RIN3: variants seen among roughly 807,000 people sequenced by gnomAD.
The protein encoded by RIN3 is RAB5 interacting protein 3.
RIN3 carries 54 observed loss-of-function variants against 76.3 expected under a neutral mutation model. The ratio of observed to expected loss-of-function variants is 0.71; its 90% CI spans 0.57 to 0.89. The LOEUF is 0.89. Ranked by LOEUF, RIN3 falls within the 40% of genes least tolerant of loss-of-function variation. RIN3 has a pLI of 0.00. For missense variants in RIN3, 1,256 were observed against 1,322.1 expected, an observed-to-expected ratio of 0.95 and a Z score of 0.78; for synonymous variants, 576 against 564.0, an observed-to-expected ratio of 1.02 and a Z score of -0.30.
intron 4 of RIN3, among the ~76,000 whole-genome samples, chr14:92,619,959 A>G (rs1886116033): frequency 1.3e-5 from 2 of 152,228 alleles, no homozygotes; most frequent in African/African-American, 2.4e-5. Flanking sequence ...AATTTGGACC[A>G]CATGTTTACA....
In RIN3 at chr14:92,513,969, C is replaced by A. The variant is rs1388231799; in HGVS notation, c.37C>A (p.Pro13Thr). The change falls in exon 1 of 10, where the codon CCC (proline) becomes ACC (threonine). Residue 13 changes from proline (P) to threonine (T), a missense_variant. By Grantham distance (38) the Pro-to-Thr change is conservative. Around this residue, in one of 3 missense-constraint regions of RIN3, gnomAD observed 610 missense variants for 626.4 expected, o/e 0.97. Transcript: ENST00000216487. ...CGCCGGGGCGCCCGCGCGCGGGGAC[C>A]CCACGGGGTAAGTCCGGGCGGCCGC... is the stretch of plus-strand genomic sequence containing the variant. ...RHAGAPARGD[P>T]TGPVPVVGKG... The A allele has an allele frequency of 5.6e-6, 7 of 1,245,122 alleles. No individual in the cohort carries two copies. The highest frequency in any genetic ancestry group is 1.6e-5 in the African/African-American group (1 of 64,270). 77.1% of individuals were successfully genotyped at this position (1,245,122 alleles called of 1,614,324 possible). A position where few individuals can be genotyped will look rare whatever the true frequency, so the allele number is the denominator to read the frequency against.
chr14:92,576,547 C>T (rs1049049519), intron 2 of RIN3, among the ~76,000 whole-genome samples: 1 of 152,162 alleles, frequency 6.6e-6, no homozygotes, highest in Non-Finnish European at 1.5e-5. Context: ...CACCAGTGTC[C>T]GGGGGCCGAA....
At chr14:92,558,074 C>T (rs566278836) in intron 2 of RIN3, among the ~76,000 whole-genome samples, 79 of 152,280 alleles carry the variant, frequency 5.2e-4, no homozygotes, top group Non-Finnish European at 8.8e-4. Flanking sequence ...TTAGCCTGGG[C>T]GCGGTGGCTC....
intron 3 of RIN3, 74 bp from the exon 4 acceptor site, chr14:92,615,333 C>T (rs1305258620): frequency 1.5e-6 from 2 of 1,310,268 alleles, no homozygotes; most frequent in Non-Finnish European, 1.1e-6. Context: ...CCGACCCCAT[C>T]CTTGCCACCT....
chr14:92,622,343 G>A (rs887588999), intron 4 of RIN3, among the ~76,000 whole-genome samples: 1 of 152,186 alleles, frequency 6.6e-6, no homozygotes, highest in Non-Finnish European at 1.5e-5. Flanking sequence ...GTTCCCTCCA[G>A]AGCCTGCTAT....
intron 7 of RIN3, among the ~76,000 whole-genome samples, chr14:92,668,162 A>T (rs1888174853): frequency 6.6e-6 from 1 of 152,220 alleles, no homozygotes; most frequent in Non-Finnish European, 1.5e-5. Context: ...ACTAAGGCTC[A>T]GTGAAGTTAA....
chr14:92,616,293 G>A (rs1566869825), intron 4 of RIN3, among the ~76,000 whole-genome samples: 1 of 152,124 alleles, frequency 6.6e-6, no homozygotes, highest in African/African-American at 2.4e-5. Context: ...CGGTGGGAGC[G>A]GGCCCAAGCA....
intron 2 of RIN3, among the ~76,000 whole-genome samples, chr14:92,576,915 C>T (rs1390102286): frequency 3.3e-5 from 5 of 152,118 alleles, no homozygotes; most frequent in African/African-American, 9.7e-5. Flanking sequence ...CCAGAGTGTA[C>T]GTGCTGGGGT....
chr14:92,588,605 A>G (rs972095002), intron 3 of RIN3, among the ~76,000 whole-genome samples: 3 of 152,040 alleles, frequency 2.0e-5, no homozygotes, highest in African/African-American at 7.2e-5. Flanking sequence ...TGACTTAATC[A>G]GTATCCTAAA....
rs187861564 is a variant in RIN3 at position 92,543,710 on chromosome 14, G to A, written c.45-12041G>A. The stretch of plus-strand genomic sequence containing the variant: ...AGATTTTTCTCCCTCAGCCTCTCAA[G>A]TAGCTGGGATTACAGGTGCCCGCCA... On this transcript the variant is annotated intron_variant, in intron 1 of 9. Coordinates refer to ENST00000216487, the MANE Select transcript of RIN3 (RefSeq NM_024832.5). Among the ~76,000 whole-genome samples, 494 of 143,308 alleles carry A rather than the reference G, an allele frequency of 3.4e-3. 2 individuals are homozygous for A. The highest frequency in any genetic ancestry group is 0.012 in the African/African-American group (473 of 38,562). 94.0% of individuals were successfully genotyped at this position (143,308 alleles called of 152,430 possible). A position where few individuals can be genotyped will look rare whatever the true frequency, so the allele number is the denominator to read the frequency against.
At chr14:92,687,614 A>AGGG in intron 9 of RIN3, 2 of 368,794 alleles carry the variant, frequency 5.4e-6, no homozygotes, top group East Asian at 5.7e-5. Flanking sequence ...GGAGGGAGGG[A>AGGG]ATGAATGAAT....
rs1461986249 is a variant in RIN3, at chr14:92,561,042, A to ATATATATATATATATATAT, written c.249+5087_249+5088insTATATATATATATATATAT. Among the ~76,000 whole-genome samples, 41 of 19,344 alleles carry ATATATATATATATATATAT rather than the reference A, an allele frequency of 2.1e-3. 2 individuals carry two copies. Among genetic ancestry groups the ATATATATATATATATATAT allele is most frequent in the African/African-American group, 4.4e-3 (26 of 5,970 alleles). The allele number at this position is 19,344 out of a possible 152,430, so 12.7% of individuals were successfully genotyped here. A position where few individuals can be genotyped will look rare whatever the true frequency, so the allele number is the denominator to read the frequency against. ...GTCTAAAAAAAAAAAAAAAAAAAAA[A>ATATATATATATATATATAT]AAATATATATATATCTGCCATATAT... On this transcript the variant is annotated intron_variant, in intron 2 of 9. Coordinates refer to ENST00000216487, the MANE Select transcript of RIN3 (RefSeq NM_024832.5).
At chr14:92,661,431 A>T (rs997422906) in intron 7 of RIN3, among the ~76,000 whole-genome samples, 9 of 152,126 alleles carry the variant, frequency 5.9e-5, no homozygotes, top group African/African-American at 1.9e-4. Flanking sequence ...ATGTGTTAGA[A>T]TTGTGCTCCC....
chr14:92,660,255 A>G (rs1887832749), intron 7 of RIN3, among the ~76,000 whole-genome samples: 1 of 152,218 alleles, frequency 6.6e-6, no homozygotes, highest in African/African-American at 2.4e-5. Flanking sequence ...GGGCTTATTC[A>G]TGGATCTGTG....
chr14:92,566,605 G>A (rs539538283), intron 2 of RIN3, among the ~76,000 whole-genome samples: 28 of 152,176 alleles, frequency 1.8e-4, no homozygotes, highest in Middle Eastern at 3.2e-3. Context: ...AGGAGGGGGA[G>A]AGGGGACTGG....
chr14:92,657,744 G>T (rs540258592), intron 6 of RIN3, among the ~76,000 whole-genome samples: 130 of 152,336 alleles, frequency 8.5e-4, no homozygotes, highest in Non-Finnish European at 9.4e-4. Flanking sequence ...TGGAAGGAGG[G>T]TCAGGAACGG....
chr14:92,523,146 C>T (rs1419827992), intron 1 of RIN3, among the ~76,000 whole-genome samples: 1 of 152,146 alleles, frequency 6.6e-6, no homozygotes, highest in Non-Finnish European at 1.5e-5. Flanking sequence ...TAGTTTTGCT[C>T]TTGTCACCCA....
At chr14:92,539,502 T>C (rs984809646) in intron 1 of RIN3, among the ~76,000 whole-genome samples, 6 of 152,170 alleles carry the variant, frequency 3.9e-5, no homozygotes, top group African/African-American at 1.4e-4. Flanking sequence ...TGCCTGGTTC[T>C]CAAGCCCATG....
chr14:92,580,850 C>T (rs1898412042), intron 3 of RIN3, among the ~76,000 whole-genome samples: 2 of 152,224 alleles, frequency 1.3e-5, no homozygotes, highest in Non-Finnish European at 2.9e-5. Context: ...GTCACAAGAT[C>T]ACACCTAACT....
Sources: allele counts gnomAD v4.1 joint callset (sites outside exome capture counted in the v4.1 genomes callset), GRCh38; gene constraint gnomAD v4.1.1; regional missense constraint gnomAD v4.1.1; transcripts MANE v1.5; gene names NCBI Gene and HGNC (gene_info 2026-07-23, HGNC 2026-07-21).